Variants in CHD9 observed in about 807,000 individuals in gnomAD.
CHD9 encodes chromodomain helicase DNA binding protein 9.
CHD9 carries 77 observed loss-of-function variants against 316.1 expected under a neutral mutation model. The ratio of observed to expected loss-of-function variants is 0.24; its 90% CI spans 0.20 to 0.29. CHD9 has a LOEUF of 0.29. Among genes scored for constraint, CHD9 ranks in the 10% least tolerant of loss-of-function variants. The pLI, the probability that CHD9 is intolerant of heterozygous loss-of-function variation, is 1.00. For missense variants in CHD9, 2,763 were observed against 3,438.1 expected, an observed-to-expected ratio of 0.80 and a Z score of 4.91; for synonymous variants, 1,129 against 1,158.3, an observed-to-expected ratio of 0.97 and a Z score of 0.51.
At chr16:53,259,050 T>C (rs1391337712) in intron 19 of CHD9, among the ~76,000 whole-genome samples, 2 of 152,200 alleles carry the variant, frequency 1.3e-5, no homozygotes. Context: ...AGAGATTTAA[T>C]GGCGGAAGGA....
chr16:53,136,217 A>G (rs73592905), intron 1 of CHD9, among the ~76,000 whole-genome samples: 5,866 of 152,242 alleles, frequency 0.039, 381 homozygotes, highest in African/African-American at 0.13. Context: ...GATTTTTACT[A>G]TATTTCAAAA....
intron 18 of CHD9, 49 bp from the exon 19 acceptor site, chr16:53,255,551 T>C (rs1207810877): frequency 1.3e-6 from 2 of 1,547,532 alleles, no homozygotes; most frequent in Admixed American, 3.6e-5. Context: ...CTTTCTCACT[T>C]TATGAACTTT....
At chr16:53,293,491 C>G (rs180934456) in intron 29 of CHD9, among the ~76,000 whole-genome samples, 11 of 151,498 alleles carry the variant, frequency 7.3e-5, no homozygotes, top group African/African-American at 4.8e-5. Flanking sequence ...TGGCGCATGC[C>G]TGTGGTCCCA....
At chr16:53,251,448 A>G (rs769622035) in intron 17 of CHD9, among the ~76,000 whole-genome samples, 1 of 152,148 alleles carries the variant, frequency 6.6e-6, no homozygotes, top group Non-Finnish European at 1.5e-5. Context: ...TCCAGTTGTT[A>G]CAGACTAAGA....
At chr16:53,177,624 G>T (rs528921979) in intron 2 of CHD9, among the ~76,000 whole-genome samples, 1 of 152,076 alleles carries the variant, frequency 6.6e-6, no homozygotes, top group South Asian at 2.1e-4. Flanking sequence ...TATTGCTCTT[G>T]TTATTACATA....
Position 53,142,221 on chromosome 16 carries a change from A to C in CHD9, c.-164-13705A>C, listed in dbSNP as rs1311596919. On this transcript the variant is annotated intron_variant, in intron 1 of 38. Transcript: ENST00000447540. Reference sequence around the variant, plus strand: ...TTAGTTTTATAGGTCGATGAGAGGGAAATAGATAATTTTTGAGTACTTACT... The same window carrying C: ...TTAGTTTTATAGGTCGATGAGAGGGCAATAGATAATTTTTGAGTACTTACT... Among the ~76,000 whole-genome samples the C allele has an allele frequency of 1.2e-4, 18 of 152,178 alleles. 1 individual carries two copies. The highest frequency in any genetic ancestry group is 1.2e-3 in the Admixed American group (18 of 15,268).
Position 53,261,260 on chromosome 16 carries a change from T to G in CHD9, c.4210-1727T>G, listed in dbSNP as rs115707085. Among the ~76,000 whole-genome samples the G allele has an allele frequency of 4.1e-3, 621 of 151,806 alleles. 4 individuals carry two copies. The highest frequency in any genetic ancestry group is 0.014 in the African/African-American group (595 of 41,424). ...GCCAAACCTCAAAAGAATACTAGAT[T>G]GAATGAATGAGTACATTTATTACCT... On this transcript the variant is annotated intron_variant, in intron 19 of 38. Transcript: ENST00000447540.
chr16:53,085,426 C>T (rs541358403), intron 1 of CHD9, among the ~76,000 whole-genome samples: 1 of 152,110 alleles, frequency 6.6e-6, no homozygotes, highest in East Asian at 1.9e-4. Flanking sequence ...AGTTTCCTGA[C>T]ATCTGCCTTG....
intron 2 of CHD9, among the ~76,000 whole-genome samples, chr16:53,159,006 A>G (rs1318928080): frequency 6.6e-6 from 1 of 152,100 alleles, no homozygotes; most frequent in African/African-American, 2.4e-5. Flanking sequence ...CAGTTATGTT[A>G]GCTTATGCCT....
chr16:53,284,445 C>A (rs1310387746), intron 24 of CHD9, among the ~76,000 whole-genome samples: 1 of 151,740 alleles, frequency 6.6e-6, no homozygotes, highest in African/African-American at 2.4e-5. Context: ...CAGATATTAA[C>A]TGTATTCTGT....
At chr16:53,060,990 A>T (rs1051795700) in intron 1 of CHD9, among the ~76,000 whole-genome samples, 1 of 133,936 alleles carries the variant, frequency 7.5e-6, no homozygotes, top group Non-Finnish European at 1.5e-5. Context: ...AAATGGCATG[A>T]TCTCAGCTCA....
At chr16:53,188,381 T>G (rs1173291730) in intron 2 of CHD9, among the ~76,000 whole-genome samples, 3 of 152,156 alleles carry the variant, frequency 2.0e-5, no homozygotes, top group African/African-American at 4.8e-5. Flanking sequence ...TTTGACCTTT[T>G]GGGTAACTTT....
chr16:53,190,246 A>C (rs897184286), intron 2 of CHD9, among the ~76,000 whole-genome samples: 1 of 152,162 alleles, frequency 6.6e-6, no homozygotes, highest in South Asian at 2.1e-4. Context: ...TCTCAATTAA[A>C]AACGTTTTAT....
chr16:53,140,546 C>G (rs2040034206), intron 1 of CHD9, among the ~76,000 whole-genome samples: 1 of 152,110 alleles, frequency 6.6e-6, no homozygotes, highest in Non-Finnish European at 1.5e-5. Context: ...CAGTATCAGC[C>G]CAAAATTCGT....
chr16:53,148,438 T>C (rs1375724250), intron 1 of CHD9, among the ~76,000 whole-genome samples: 1 of 152,136 alleles, frequency 6.6e-6, no homozygotes, highest in African/African-American at 2.4e-5. Flanking sequence ...CACACTATTT[T>C]CCACAGTGGC....
intron 37 of CHD9, chr16:53,320,017 A>G (rs2057156271): frequency 3.3e-6 from 1 of 302,928 alleles, no homozygotes; most frequent in Non-Finnish European, 4.9e-6. Context: ...TTATATAAAT[A>G]AATAGAAGGA....
chr16:53,184,687 A>T (rs1190527449), intron 2 of CHD9, among the ~76,000 whole-genome samples: 1 of 152,102 alleles, frequency 6.6e-6, no homozygotes, highest in Non-Finnish European at 1.5e-5. Context: ...AAGGCCTTGG[A>T]TGCTGATAAG....
At chr16:53,144,815 C>T (rs536773738) in intron 1 of CHD9, among the ~76,000 whole-genome samples, 8 of 151,828 alleles carry the variant, frequency 5.3e-5, no homozygotes, top group South Asian at 4.2e-4. Context: ...TGAGCCACCA[C>T]GCCCAGCCTA....
intron 3 of CHD9, among the ~76,000 whole-genome samples, chr16:53,210,413 G>C (rs1339421155): frequency 6.6e-6 from 1 of 151,900 alleles, no homozygotes; most frequent in Non-Finnish European, 1.5e-5. Context: ...GAGGATTAAT[G>C]CTCCAAGAGA....
Sources: allele counts gnomAD v4.1 joint callset (sites outside exome capture counted in the v4.1 genomes callset), GRCh38; gene constraint gnomAD v4.1.1; transcripts MANE v1.5; gene names NCBI Gene and HGNC (gene_info 2026-07-23, HGNC 2026-07-21).